MYO7A: variants seen among roughly 807,000 people sequenced by gnomAD.
MYO7A encodes unconventional myosin-VIIa.
In MYO7A, 210 loss-of-function variants were observed where a neutral mutation model predicts 263.8. The ratio of observed to expected loss-of-function variants is 0.80; its 90% CI spans 0.71 to 0.89. MYO7A has a LOEUF of 0.89. Among genes scored for constraint, MYO7A ranks in the 40% least tolerant of loss-of-function variants. MYO7A has a pLI of 0.00. For missense variants in MYO7A, 2,820 were observed against 2,968.3 expected, an observed-to-expected ratio of 0.95 and a Z score of 1.16; for synonymous variants, 1,239 against 1,197.3, an observed-to-expected ratio of 1.03 and a Z score of -0.72.
intron 4 of MYO7A, among the ~76,000 whole-genome samples, chr11:77,148,559 A>G (rs1015871043): frequency 1.4e-4 from 21 of 152,204 alleles, no homozygotes; most frequent in African/African-American, 4.8e-4. Flanking sequence ...AGAGCAGAGC[A>G]ATAAGGGCCC....
chr11:77,172,743 C>T lies in MYO7A; in HGVS notation c.1798-5C>T, dbSNP rs2135406096. 6 of 1,554,526 alleles carry T rather than the reference C, an allele frequency of 3.9e-6. No homozygotes were observed. Among genetic ancestry groups the T allele is most frequent in the Non-Finnish European group, 4.3e-6 (5 of 1,149,984 alleles). On this transcript the variant is annotated splice_polypyrimidine_tract_variant and splice_region_variant and intron_variant, in intron 15 of 48. Transcript: ENST00000409709. ...CCCTCCCATCGCTGCCGTCCGTCCCCCCAGGGCGCCGAGACCAGGAAGCGC... is the reference window on the plus strand; with the variant it reads ...CCCTCCCATCGCTGCCGTCCGTCCCTCCAGGGCGCCGAGACCAGGAAGCGC...
intron 48 of MYO7A, among the ~76,000 whole-genome samples, chr11:77,214,316 G>A (rs1958032643): frequency 6.6e-6 from 1 of 152,200 alleles, no homozygotes; most frequent in South Asian, 2.1e-4. Flanking sequence ...AAACTTCCAA[G>A]GCATAGCTCA....
At chr11:77,164,631 C>T (rs550703712) in intron 14 of MYO7A, among the ~76,000 whole-genome samples, 54 of 152,260 alleles carry the variant, frequency 3.5e-4, no homozygotes, top group Non-Finnish European at 6.2e-4. Context: ...AGGACTGTCA[C>T]GCAAACAAAT....
intron 19 of MYO7A, 134 bp downstream of exon 19, chr11:77,177,777 C>T (rs1416451314): frequency 1.5e-6 from 1 of 671,078 alleles, no homozygotes; most frequent in South Asian, 1.8e-5. Flanking sequence ...TGCACACATG[C>T]ATGGCATGCA....
At chr11:77,193,603 G>C (rs1484799774) in intron 31 of MYO7A, among the ~76,000 whole-genome samples, 1 of 152,084 alleles carries the variant, frequency 6.6e-6, no homozygotes, top group African/African-American at 2.4e-5. Flanking sequence ...GGTATTGGTG[G>C]TAAGCAAATA....
At chr11:77,191,906 C>T in intron 30 of MYO7A, 145 bp from the exon 31 acceptor site, 1 of 660,426 alleles carries the variant, frequency 1.5e-6, no homozygotes, top group Non-Finnish European at 2.6e-6. Context: ...GGGCTAGAAT[C>T]TGGTCTGCCT....
At chr11:77,185,012 G>A (rs1464631251) in intron 27 of MYO7A, 2 of 567,134 alleles carry the variant, frequency 3.5e-6, no homozygotes, top group Non-Finnish European at 6.4e-6. Context: ...GTTTCCCAGT[G>A]CATATAAAAG....
intron 30 of MYO7A, among the ~76,000 whole-genome samples, chr11:77,191,540 C>T (rs1956068445): frequency 6.6e-6 from 1 of 152,166 alleles, no homozygotes; most frequent in Admixed American, 6.5e-5. Context: ...GGAGAAACTC[C>T]TCAGCAAACA....
At position 77,210,584 on chromosome 11, in the gene MYO7A, A is replaced by G. The variant is rs761413563; in HGVS notation, c.6052-568A>G. Among the ~76,000 whole-genome samples, 6 of 152,186 alleles carry G rather than the reference A, an allele frequency of 3.9e-5. No homozygotes were observed. The South Asian group carries it at 8.3e-4, about 21-fold the overall frequency. ...CTCTACCTTTCAAATTGTGTATAAGATGACCATAAGGCTCTAGGAGTCTGT... is the reference window on the plus strand; with the variant it reads ...CTCTACCTTTCAAATTGTGTATAAGGTGACCATAAGGCTCTAGGAGTCTGT... On this transcript the variant is annotated intron_variant, in intron 44 of 48. Transcript: ENST00000409709.
At chr11:77,169,501 C>G (rs1225840147) in intron 15 of MYO7A, among the ~76,000 whole-genome samples, 1 of 152,228 alleles carries the variant, frequency 6.6e-6, no homozygotes, top group Non-Finnish European at 1.5e-5. Flanking sequence ...CTCTCAGATC[C>G]TTTCTGGGGA....
At chr11:77,151,323 C>T (rs782357891) in intron 4 of MYO7A, among the ~76,000 whole-genome samples, 4 of 152,248 alleles carry the variant, frequency 2.6e-5, no homozygotes, top group Non-Finnish European at 4.4e-5. Context: ...CCCTTGGGGA[C>T]ATCCCTATCC....
intron 38 of MYO7A, 45 bp from the exon 39 acceptor site, chr11:77,204,031 A>C: frequency 6.5e-7 from 1 of 1,547,862 alleles, no homozygotes; most frequent in Non-Finnish European, 8.8e-7. Context: ...ACCCCAGGCC[A>C]GTGCTCCCTC....
At chr11:77,151,086 G>A (rs1951926279) in intron 4 of MYO7A, among the ~76,000 whole-genome samples, 1 of 152,208 alleles carries the variant, frequency 6.6e-6, no homozygotes, top group African/African-American at 2.4e-5. Flanking sequence ...CCTGTCCCCA[G>A]GAGCCTGAGA....
chr11:77,191,593 G>A (rs892813932), intron 30 of MYO7A, among the ~76,000 whole-genome samples: 1 of 152,212 alleles, frequency 6.6e-6, no homozygotes, highest in Non-Finnish European at 1.5e-5. Flanking sequence ...GAGTGTGGGC[G>A]TCCCGCAGAC....
intron 33 of MYO7A, 50 bp from the exon 34 acceptor site, chr11:77,198,445 T>C: frequency 6.2e-7 from 1 of 1,603,422 alleles, no homozygotes; most frequent in Non-Finnish European, 8.5e-7. Context: ...TGAGAAGGGC[T>C]GGGCCTGGGT....
chr11:77,163,612 T>G (rs934384707), intron 14 of MYO7A, among the ~76,000 whole-genome samples: 1 of 152,174 alleles, frequency 6.6e-6, no homozygotes, highest in South Asian at 2.1e-4. Flanking sequence ...GTCATTACCA[T>G]CTTAGCCACC....
chr11:77,176,868 A>G (rs1555080362), intron 18 of MYO7A, among the ~76,000 whole-genome samples: 1 of 152,124 alleles, frequency 6.6e-6, no homozygotes, highest in Admixed American at 6.5e-5. Context: ...GTGCCAGCAC[A>G]TGGAGGTGTT....
chr11:77,172,143 C>G (rs758665458), intron 15 of MYO7A, among the ~76,000 whole-genome samples: 3 of 152,182 alleles, frequency 2.0e-5, no homozygotes, highest in Non-Finnish European at 4.4e-5. Context: ...TTCCAGAAGG[C>G]GGCACCACCT....
chr11:77,195,238 C>T lies in MYO7A; in HGVS notation c.4323+714C>T, dbSNP rs560495906. On this transcript the variant is annotated intron_variant, in intron 32 of 48. Coordinates refer to ENST00000409709, the MANE Select transcript of MYO7A (RefSeq NM_000260.4). ...ACCGTGTGCCTTCTCTGGTCAGCTC[C>T]CCGCCAGCCTCTGCCTCTCCCTGAG... 5.9e-5 allele frequency among the ~76,000 whole-genome samples: 9 copies of T among 152,278 alleles called. No homozygotes were observed. In the East Asian group the frequency reaches 1.5e-3, roughly 26 times the overall value.
Sources: gnomAD v4.1 joint callset for allele counts (sites outside exome capture counted in the v4.1 genomes callset) on GRCh38, gnomAD v4.1.1 for gene constraint, MANE v1.5 for transcripts, NCBI Gene and HGNC (gene_info 2026-07-23, HGNC 2026-07-21) for gene names.